The following SLC13A1 variants were observed in gnomAD, a reference collection of about 807,000 sequenced individuals.
SLC13A1 encodes Na(+)/sulfate cotransporter.
Under a neutral mutation model 70.0 loss-of-function variants are expected in SLC13A1, and 65 were observed. The observed-to-expected ratio is 0.93, with a 90% CI of 0.76 to 1.14. The LOEUF (loss-of-function observed/expected upper bound fraction) is 1.14. Among genes scored for constraint, SLC13A1 ranks in the 50% most tolerant of loss-of-function variants. The pLI is 0.00. For synonymous variants in SLC13A1, 275 were observed against 250.5 expected (o/e 1.10, Z -0.92); for missense variants, 726 against 717.8 (o/e 1.01, Z -0.13).
Position 123,168,409 on chromosome 7 carries a change from T to C in SLC13A1, c.625A>G (p.Thr209Ala), listed in dbSNP as rs189536469. ...TKPVPGYNND[T>A]GKISSKVELE... ...TCCACCTTGCTTGAAATTTTCCCTG[T>C]ATCATTATTGTATCTGAAAAATACA... The change falls in exon 6 of 15, where the codon ACA (threonine) becomes GCA (alanine). Residue 209 changes from threonine to alanine, a missense_variant. Thr to Ala is a moderately conservative substitution (Grantham distance 58). Coordinates refer to ENST00000194130, the MANE Select transcript of SLC13A1 (RefSeq NM_022444.4). The C allele has an allele frequency of 1.3e-6, 2 of 1,593,414 alleles. No homozygotes were observed. The highest frequency in any genetic ancestry group is 3.4e-5 in the Admixed American group (2 of 59,694).
At chr7:123,150,189 A>G (rs1794506722) in intron 6 of SLC13A1, among the ~76,000 whole-genome samples, 1 of 152,132 alleles carries the variant, frequency 6.6e-6, no homozygotes, top group Admixed American at 6.6e-5. Context: ...AACCTTCTTT[A>G]TTATCTCTAT....
chr7:123,177,186 A>C, intron 2 of SLC13A1, among the ~76,000 whole-genome samples: 1 of 152,044 alleles, frequency 6.6e-6, no homozygotes. Context: ...CCATTTTCCC[A>C]ATTGGCAGAT....
intron 1 of SLC13A1, among the ~76,000 whole-genome samples, chr7:123,192,088 T>G (rs1042438673): frequency 6.6e-6 from 1 of 152,172 alleles, no homozygotes; most frequent in African/African-American, 2.4e-5. Context: ...CTGGATATTT[T>G]GACTCCTGCC....
intron 1 of SLC13A1, among the ~76,000 whole-genome samples, chr7:123,187,515 G>A (rs1795845657): frequency 6.6e-6 from 1 of 152,174 alleles, no homozygotes; most frequent in South Asian, 2.1e-4. Context: ...CTGATGTTAA[G>A]GACCACTCCC....
At chr7:123,141,554 C>G (rs1322294528) in intron 7 of SLC13A1, among the ~76,000 whole-genome samples, 1 of 151,432 alleles carries the variant, frequency 6.6e-6, no homozygotes, top group African/African-American at 2.4e-5. Flanking sequence ...TTCTCTCTCT[C>G]TCTCCCTCTC....
chr7:123,154,862 A>C, intron 6 of SLC13A1, among the ~76,000 whole-genome samples: 1 of 152,072 alleles, frequency 6.6e-6, no homozygotes, highest in East Asian at 1.9e-4. Flanking sequence ...AGAACTGCAA[A>C]GAGCTATCTA....
At position 123,181,083 on chromosome 7, in the gene SLC13A1, T is replaced by C; in HGVS notation, c.118A>G (p.Thr40Ala). Residue 40 changes from threonine to alanine, a missense_variant, in exon 2 of 15, where the codon ACA (threonine) becomes GCA (alanine). Transcript: ENST00000194130. ...CAAAATGTGGCGACCACAAAGAGTG[T>C]GTAGGCACATTCTGCTTCCTGGTAA... ...LHTKEAECAYTLFVVATFWLT... is the reference protein window; with the variant it reads ...LHTKEAECAYALFVVATFWLT... 6.2e-7 allele frequency: 1 copy of C among 1,611,346 alleles called. No individual in the cohort carries two copies. Among genetic ancestry groups the C allele is most frequent in the South Asian group, 1.1e-5 (1 of 90,884 alleles).
At chr7:123,168,954 T>C (rs28364192) in intron 4 of SLC13A1, among the ~76,000 whole-genome samples, 194 bp downstream of exon 4, 31 of 152,172 alleles carry the variant, frequency 2.0e-4, no homozygotes, top group Admixed American at 2.0e-3. Flanking sequence ...TGCAAGCAAA[T>C]AGAAATGTAA....
At position 123,168,381 on chromosome 7, in the gene SLC13A1, A is replaced by G; in HGVS notation, c.653T>C (p.Leu218Ser). 1.3e-6 allele frequency: 2 copies of G among 1,576,660 alleles called. No homozygotes were observed. Among genetic ancestry groups the G allele is most frequent in the Non-Finnish European group, 1.7e-6 (2 of 1,151,642 alleles). The stretch of plus-strand genomic sequence containing the variant: ...AGAATCAAATTTATGTACCTTTTCC[A>G]ACTCCACCTTGCTTGAAATTTTCCC... ...DTGKISSKVE[L>S]EKNSGMRTKY... The change falls in exon 6 of 15, where the codon TTG becomes TCG. Residue 218 changes from leucine to serine, a missense_variant. Leu to Ser is a moderately radical substitution (Grantham distance 145, BLOSUM62 -2). Transcript: ENST00000194130.
Position 123,161,498 on chromosome 7 carries a change from G to A in SLC13A1, c.660+6876C>T, listed in dbSNP as rs147452133. On this transcript the variant is annotated intron_variant, in intron 6 of 14. Coordinates refer to ENST00000194130, the MANE Select transcript of SLC13A1 (RefSeq NM_022444.4). ...TACTCTTAAATCCAGGAAAGTAATA[G>A]AATAATTTCTAAGTACATATGCCTT... Among the ~76,000 whole-genome samples the A allele has an allele frequency of 1.0e-2, 1,521 of 152,206 alleles. 13 individuals are homozygous for A. The highest frequency in any genetic ancestry group is 0.017 in the Non-Finnish European group (1,126 of 68,000).
intron 1 of SLC13A1, among the ~76,000 whole-genome samples, chr7:123,183,852 A>T (rs1266873207): frequency 6.6e-6 from 1 of 152,150 alleles, no homozygotes; most frequent in African/African-American, 2.4e-5. Flanking sequence ...GAATCCCTGG[A>T]TTCATAACCC....
Position 123,115,559 on chromosome 7 carries a change from G to A in SLC13A1, c.1747C>T (p.Pro583Ser). 1 of 1,613,518 alleles carries A rather than the reference G, an allele frequency of 6.2e-7. No homozygotes were observed. The highest frequency in any genetic ancestry group is 2.2e-5 in the East Asian group (1 of 44,858). Reference sequence around the variant, plus strand: ...TTACTCATAGCAGGAGCCCACGAAGGGTAAGTGTAGAGGTCAAACATGGGT... The same window carrying A: ...TTACTCATAGCAGGAGCCCACGAAGAGTAAGTGTAGAGGTCAAACATGGGT... Reference protein sequence around the residue: ...IVPMFDLYTYPSWAPAMSNET... With the variant: ...IVPMFDLYTYSSWAPAMSNET... The change falls in exon 15 of 15, where the codon CCT becomes TCT. Residue 583 changes from proline to serine, a missense_variant. By Grantham distance (74) the Pro-to-Ser change is moderately conservative. Transcript: ENST00000194130.
intron 1 of SLC13A1, among the ~76,000 whole-genome samples, chr7:123,193,821 A>G (rs1796078508): frequency 6.6e-6 from 1 of 152,144 alleles, no homozygotes; most frequent in South Asian, 2.1e-4. Context: ...AAGGTATAAA[A>G]CATATTATGG....
intron 10 of SLC13A1, among the ~76,000 whole-genome samples, chr7:123,127,309 C>G (rs189478916): frequency 1.1e-3 from 173 of 152,208 alleles, no homozygotes; most frequent in African/African-American, 3.9e-3. Context: ...ACAAACAAAA[C>G]AATTCCTGTT....
At chr7:123,178,138 T>A (rs2116600469) in intron 2 of SLC13A1, among the ~76,000 whole-genome samples, 1 of 152,182 alleles carries the variant, frequency 6.6e-6, no homozygotes, top group South Asian at 2.1e-4. Flanking sequence ...TTTTGAAATA[T>A]CAAATTGAAC....
chr7:123,168,198 T>C (rs1795135931), intron 6 of SLC13A1, among the ~76,000 whole-genome samples, 176 bp downstream of exon 6: 2 of 152,192 alleles, frequency 1.3e-5, no homozygotes, highest in East Asian at 1.9e-4. Flanking sequence ...ATCCAGATGT[T>C]GATTTCTGTC....
At position 123,117,470 on chromosome 7, in the gene SLC13A1, CCATGT is replaced by C. The variant is rs749962119; in HGVS notation, c.1646_1650del (p.Asp549GlyfsTer2). On this transcript the variant is annotated frameshift_variant and splice_region_variant, in exon 14 of 15. Coordinates refer to ENST00000194130, the MANE Select transcript of SLC13A1 (RefSeq NM_022444.4). LOFTEE classifies it high-confidence loss of function. ...GATAGTATTTTTTTCAGCTAACTCA[CCATGT>C]CAATGACTTTCAGATGACCATATGA... 28 of 1,612,568 alleles carry C rather than the reference CCATGT, an allele frequency of 1.7e-5. No homozygotes were observed. The highest frequency in any genetic ancestry group is 1.6e-4 in the Middle Eastern group (1 of 6,078).
intron 1 of SLC13A1, among the ~76,000 whole-genome samples, chr7:123,198,474 C>T (rs963215401): frequency 6.6e-6 from 1 of 151,996 alleles, no homozygotes; most frequent in African/African-American, 2.4e-5. Flanking sequence ...TTTCCCTTCC[C>T]TCCATGTAGC....
At chr7:123,145,168 C>T (rs968221239) in intron 7 of SLC13A1, among the ~76,000 whole-genome samples, 6 of 152,128 alleles carry the variant, frequency 3.9e-5, no homozygotes, top group African/African-American at 1.4e-4. Flanking sequence ...TACTATGTGC[C>T]AGACCCTCTG....
Sources: allele counts gnomAD v4.1 joint callset (sites outside exome capture counted in the v4.1 genomes callset), GRCh38; gene constraint gnomAD v4.1.1; transcripts MANE v1.5; gene names NCBI Gene and HGNC (gene_info 2026-07-23, HGNC 2026-07-21).